Variants in RNF220 observed in about 807,000 individuals in gnomAD.
RNF220 encodes E3 ubiquitin-protein ligase RNF220.
A neutral mutation model predicts 67.1 loss-of-function variants in RNF220; 7 were observed. The ratio of observed to expected loss-of-function variants is 0.10; its 90% CI spans 0.06 to 0.20. The LOEUF is 0.20. Among genes scored for constraint, RNF220 ranks in the 10% least tolerant of loss-of-function variants. RNF220 has a pLI of 1.00. For synonymous variants in RNF220, 270 were observed against 283.2 expected (o/e 0.95, Z 0.47); for missense variants, 565 against 740.3 (o/e 0.76, Z 2.75).
chr1:44,491,854 A>T (rs564363377), intron 2 of RNF220, among the ~76,000 whole-genome samples: 1 of 152,182 alleles, frequency 6.6e-6, no homozygotes, highest in South Asian at 2.1e-4. Flanking sequence ...AGTGGAGATG[A>T]GGTCTTGCCA....
chr1:44,650,684 C>CCT lies in RNF220; in HGVS notation c.1630-18_1630-17dup. On this transcript the variant is annotated intron_variant, in intron 14 of 14. Transcript: ENST00000361799. This position sits in a 1 kb window ranked among gnomAD's most constrained non-coding sequence, Gnocchi z 4.3. Reference sequence around the variant, plus strand: ...CATGGCTCATTGTGTAGACCAGAGCCCTCCCTGTTCTCCCTGCAGGGTGCC... The same window carrying CCT: ...CATGGCTCATTGTGTAGACCAGAGCCCTCTCCCTGTTCTCCCTGCAGGGTGCC... 6 of 1,613,276 alleles carry CCT rather than the reference C, an allele frequency of 3.7e-6. No individual in the cohort carries two copies. The highest frequency in any genetic ancestry group is 5.1e-6 in the Non-Finnish European group (6 of 1,179,528).
chr1:44,472,303 G>A (rs977849291), intron 2 of RNF220, among the ~76,000 whole-genome samples: 2 of 152,106 alleles, frequency 1.3e-5, no homozygotes, highest in South Asian at 4.1e-4. Context: ...AACTCTTTTC[G>A]ATAGCCACTG....
chr1:44,523,250 G>A, intron 2 of RNF220, among the ~76,000 whole-genome samples: 1 of 152,188 alleles, frequency 6.6e-6, no homozygotes, highest in South Asian at 2.1e-4. Flanking sequence ...CTGCTTTAAT[G>A]GCTCGTGGTG....
At position 44,426,739 on chromosome 1, in the gene RNF220, AAAG is replaced by A. The variant is rs1419368820; in HGVS notation, c.625+14020_625+14022del. Reference sequence around the variant, plus strand: ...AAGACTCTGTCTCAAAAAAAAAAAAAAAGAAAGAAAGAAAGAAAAAGACTTTAC... The same window carrying A: ...AAGACTCTGTCTCAAAAAAAAAAAAAAAAGAAAGAAAGAAAAAGACTTTAC... On this transcript the variant is annotated intron_variant, in intron 2 of 14. Coordinates refer to ENST00000361799, the MANE Select transcript of RNF220 (RefSeq NM_018150.4). 2.9e-3 allele frequency among the ~76,000 whole-genome samples: 438 copies of A among 151,422 alleles called. 3 individuals are homozygous for A. The highest frequency in any genetic ancestry group is 0.01 in the African/African-American group (415 of 41,174).
At chr1:44,405,836 C>A (rs1647275849) in intron 1 of RNF220, among the ~76,000 whole-genome samples, 1 of 152,096 alleles carries the variant, frequency 6.6e-6, no homozygotes, top group African/African-American at 2.4e-5. Flanking sequence ...AGGGACCAGA[C>A]GCGGGAATTG....
rs756955984 is a variant in RNF220, at chr1:44,644,694, A to C, written c.1127-4A>C. The stretch of plus-strand genomic sequence containing the variant: ...AGGCCCTCCTCACACCCTGCTTCCC[A>C]CAGGCTCTGGCTTCATCATGTGCAG... On this transcript the variant is annotated splice_region_variant and splice_polypyrimidine_tract_variant and intron_variant, in intron 8 of 14. Coordinates refer to ENST00000361799, the MANE Select transcript of RNF220 (RefSeq NM_018150.4). The C allele has an allele frequency of 6.2e-7, 1 of 1,613,590 alleles. No homozygotes were observed. Among genetic ancestry groups the C allele is most frequent in the Non-Finnish European group, 8.5e-7 (1 of 1,179,720 alleles).
At chr1:44,516,945 C>T (rs1370139350) in intron 2 of RNF220, among the ~76,000 whole-genome samples, 1 of 152,062 alleles carries the variant, frequency 6.6e-6, no homozygotes, top group Non-Finnish European at 1.5e-5. Flanking sequence ...ATCATTTTTC[C>T]CACCAAAACT....
intron 2 of RNF220, among the ~76,000 whole-genome samples, chr1:44,459,317 C>T (rs12730333): frequency 0.16 from 24,771 of 151,948 alleles, 2,449 homozygotes; most frequent in Middle Eastern, 0.23. Flanking sequence ...TCTTCCCAAC[C>T]TCTCAGCCTT....
rs944955291 is a variant in RNF220 at position 44,606,346 on chromosome 1, T to C, written c.626-7819T>C. Reference sequence around the variant, plus strand: ...CAGCATGTTAACTCTTGCTGTCCCATACTCAGCAGAGGCGCCAATCATAGT... The same window carrying C: ...CAGCATGTTAACTCTTGCTGTCCCACACTCAGCAGAGGCGCCAATCATAGT... On this transcript the variant is annotated intron_variant, in intron 2 of 14. Coordinates refer to ENST00000361799, the MANE Select transcript of RNF220 (RefSeq NM_018150.4). The surrounding 1 kb of genome is among the most constrained non-coding windows in gnomAD (Gnocchi z 4.2). Among the ~76,000 whole-genome samples the C allele has an allele frequency of 4.6e-5, 7 of 152,182 alleles. No individual in the cohort carries two copies. The highest frequency in any genetic ancestry group is 6.5e-5 in the Admixed American group (1 of 15,286).
intron 2 of RNF220, among the ~76,000 whole-genome samples, chr1:44,514,067 A>G (rs939033740): frequency 6.6e-6 from 1 of 152,140 alleles, no homozygotes; most frequent in African/African-American, 2.4e-5. Flanking sequence ...TCTTGTATTT[A>G]TCCTTGTATC....
intron 2 of RNF220, among the ~76,000 whole-genome samples, chr1:44,550,476 A>G (rs1662539821): frequency 6.6e-6 from 1 of 152,174 alleles, no homozygotes; most frequent in South Asian, 2.1e-4. Context: ...CAACAGAGCA[A>G]ATCTCCCCTA....
At chr1:44,517,323 G>C (rs1242284072) in intron 2 of RNF220, among the ~76,000 whole-genome samples, 5 of 151,958 alleles carry the variant, frequency 3.3e-5, no homozygotes, top group African/African-American at 1.2e-4. Context: ...ATCTCTCCTC[G>C]GGGTCTTTCA....
At chr1:44,539,640 A>C (rs1661525044) in intron 2 of RNF220, among the ~76,000 whole-genome samples, 1 of 152,206 alleles carries the variant, frequency 6.6e-6, no homozygotes, top group Non-Finnish European at 1.5e-5. Flanking sequence ...AAATGATTTC[A>C]CAGAAAAGGT....
chr1:44,433,963 AAAAAT>A (rs755659449), intron 2 of RNF220, among the ~76,000 whole-genome samples: 7 of 152,182 alleles, frequency 4.6e-5, no homozygotes, highest in African/African-American at 7.2e-5. Flanking sequence ...CTCTGTCTTA[AAAAAT>A]AAAATAAAAT....
intron 2 of RNF220, among the ~76,000 whole-genome samples, chr1:44,470,430 A>G (rs2147989641): frequency 6.6e-6 from 1 of 152,372 alleles, no homozygotes; most frequent in Middle Eastern, 3.4e-3. Context: ...CTAAGTAGCT[A>G]GTAGTGGAAT....
At chr1:44,633,443 G>A (rs1273968337) in intron 6 of RNF220, among the ~76,000 whole-genome samples, 4 of 152,130 alleles carry the variant, frequency 2.6e-5, no homozygotes, top group Non-Finnish European at 5.9e-5. Context: ...CGTAGCCTCT[G>A]GATAGAGAAC....
chr1:44,478,447 C>A (rs923818630), intron 2 of RNF220, among the ~76,000 whole-genome samples: 2 of 151,892 alleles, frequency 1.3e-5, no homozygotes, highest in African/African-American at 4.8e-5. Context: ...AACTGCCAGG[C>A]GTGGTGGCTT....
At chr1:44,640,360 T>C (rs1644451948) in intron 8 of RNF220, among the ~76,000 whole-genome samples, 1 of 152,250 alleles carries the variant, frequency 6.6e-6, no homozygotes, top group Admixed American at 6.5e-5. Context: ...GTTGGGCTGC[T>C]GCCTTGTGAC....
intron 2 of RNF220, among the ~76,000 whole-genome samples, chr1:44,420,041 T>A (rs1254130410): frequency 6.6e-6 from 1 of 152,208 alleles, no homozygotes; most frequent in Admixed American, 6.5e-5. Flanking sequence ...TGGCCAAAGT[T>A]GCAAACAGTC....
Sources: gnomAD v4.1 joint callset for allele counts (sites outside exome capture counted in the v4.1 genomes callset) on GRCh38, gnomAD v4.1.1 for gene constraint, Gnocchi (gnomAD v3.1) non-coding constraint, MANE v1.5 for transcripts, NCBI Gene and HGNC (gene_info 2026-07-23, HGNC 2026-07-21) for gene names.